ITGA10: variants seen among roughly 807,000 people sequenced by gnomAD.
ITGA10 encodes integrin subunit alpha 10.
Under a neutral mutation model 145.2 loss-of-function variants are expected in ITGA10, and 105 were observed. The ratio of observed to expected loss-of-function variants is 0.72; its 90% CI spans 0.62 to 0.85. The LOEUF (loss-of-function observed/expected upper bound fraction) is 0.85. Ranked by LOEUF, ITGA10 falls within the 40% of genes least tolerant of loss-of-function variation. The probability of loss-of-function intolerance (pLI) is 0.00; values close to 1 mark genes in which losing one functional copy is unlikely to be tolerated. For missense variants in ITGA10, 1,317 were observed against 1,444.5 expected (o/e 0.91, Z 1.43); for synonymous variants, 506 against 557.8 (o/e 0.91, Z 1.31).
Position 145,899,285 on chromosome 1 carries a change from C to T in ITGA10, c.1979G>A (p.Ser660Asn), listed in dbSNP as rs374360693. 4.6e-5 allele frequency: 74 copies of T among 1,614,228 alleles called. No homozygotes were observed. Among genetic ancestry groups the T allele is most frequent in the Non-Finnish European group, 5.7e-5 (67 of 1,180,036 alleles). The stretch of plus-strand genomic sequence containing the variant: ...CCGCCTACAGTCCCTCTGAACCACA[C>T]TGATGGCCTGTGGGGTCACCTCCAG... ...PSLEVTPQAISVVQRDCRRRG... is the reference protein window; with the variant it reads ...PSLEVTPQAINVVQRDCRRRG... Residue 660 changes from serine (S) to asparagine (N), a missense_variant, in exon 16 of 30, where the codon AGT becomes AAT. Transcript: ENST00000369304.
At position 145,896,172 on chromosome 1, in the gene ITGA10, AC is replaced by A. The variant is rs1328993153; in HGVS notation, c.2920-77del. 26 of 1,484,078 alleles carry A rather than the reference AC, an allele frequency of 1.8e-5. No homozygotes were observed. In the East Asian group the frequency reaches 5.2e-4, roughly 30 times the overall value. 91.9% of individuals were successfully genotyped at this position (1,484,078 alleles called of 1,614,324 possible). ...TCATTTGTTCCCCTTCACCCTAGATACCATTAAAATCCAAGAGAGACCCTTC... is the reference window on the plus strand; with the variant it reads ...TCATTTGTTCCCCTTCACCCTAGATACATTAAAATCCAAGAGAGACCCTTC... On this transcript the variant is annotated intron_variant, in intron 24 of 29. Transcript: ENST00000369304.
chr1:145,896,208 TC>T, intron 24 of ITGA10, 59 bp downstream of exon 24: 1 of 1,504,464 alleles, frequency 6.6e-7, no homozygotes, highest in Non-Finnish European at 9.3e-7. Flanking sequence ...CCCATCCTTT[TC>T]CCACAAAGCT....
intron 17 of ITGA10, among the ~76,000 whole-genome samples, 196 bp downstream of exon 17, chr1:145,898,740 T>C (rs930558309): frequency 6.6e-5 from 10 of 152,172 alleles, no homozygotes; most frequent in African/African-American, 2.4e-4. Flanking sequence ...AAACTGAGGG[T>C]TGGACTTGCC....
chr1:145,893,113 C>G, intron 29 of ITGA10, 48 bp downstream of exon 29: 1 of 1,382,118 alleles, frequency 7.2e-7, no homozygotes, highest in East Asian at 2.3e-5. Context: ...AAGGATCCCT[C>G]AACTCATGGG....
At position 145,902,888 on chromosome 1, in the gene ITGA10, C is replaced by G. The variant is rs782484433; in HGVS notation, c.832G>C (p.Glu278Gln). ...GGAAGCTCCTCTCCATCATGGGACTCTCCATCAGTGACAACCACCAGTAGC... is the reference window on the plus strand; with the variant it reads ...GGAAGCTCCTCTCCATCATGGGACTGTCCATCAGTGACAACCACCAGTAGC... The part of the protein sequence containing the change: ...ARLLVVVTDG[E>Q]SHDGEELPAA... Residue 278 changes from glutamate to glutamine, a missense_variant, in exon 8 of 30, where the codon GAG (glutamate) becomes CAG (glutamine). Transcript: ENST00000369304. The G allele has an allele frequency of 1.9e-6, 3 of 1,614,040 alleles. No homozygotes were observed. The highest frequency in any genetic ancestry group is 2.5e-6 in the Non-Finnish European group (3 of 1,179,968).
intron 24 of ITGA10, 67 bp from the exon 25 acceptor site, chr1:145,896,163 A>G: frequency 6.7e-7 from 1 of 1,483,494 alleles, no homozygotes; most frequent in Non-Finnish European, 9.4e-7. Flanking sequence ...GTTCCCCTTC[A>G]CCCTAGATAC....
In ITGA10 at chr1:145,907,114, G is replaced by A. The variant is rs370585555; in HGVS notation, c.201C>T (p.Gly67=). Residue 67 remains glycine, a synonymous_variant, in exon 3 of 30, where the codon GGC becomes GGT. Coordinates refer to ENST00000369304, the MANE Select transcript of ITGA10 (RefSeq NM_003637.5). The part of the protein sequence containing the change: ...LVGAPWDGPS[G]DRRGDVYRCP... ...AGCGATAAACGTCCCCCCTCCGGTC[G>A]CCTGAAGGCCCATCCCAGGGGGCGC... is the stretch of plus-strand genomic sequence containing the variant. 4.2e-5 allele frequency: 66 copies of A among 1,563,114 alleles called. No individual in the cohort carries two copies. In the East Asian group the frequency reaches 4.3e-4, roughly 10 times the overall value.
intron 5 of ITGA10, 187 bp downstream of exon 5, chr1:145,906,207 G>A (rs115041253): frequency 3.7e-6 from 2 of 538,372 alleles, no homozygotes; most frequent in East Asian, 6.5e-5. Flanking sequence ...AGAATTACAG[G>A]TGTGGGCCAC....
At chr1:145,907,947 T>G (rs1164695258) in intron 1 of ITGA10, among the ~76,000 whole-genome samples, 2 of 151,738 alleles carry the variant, frequency 1.3e-5, no homozygotes, top group African/African-American at 4.8e-5. Flanking sequence ...ATTTTTCTTA[T>G]TTTTAGTAGA....
In ITGA10 at chr1:145,904,076, G is replaced by GTC; in HGVS notation, c.732_733dup (p.Thr245ArgfsTer6). ...CCAGGCCACCATTATTGCTTGGGCA[G>GTC]TCTTTGTTTCTCGTCCCTCCCGCCG... On this transcript the variant is annotated frameshift_variant, in exon 7 of 30. Transcript: ENST00000369304. LOFTEE classifies it high-confidence loss of function. The GTC allele has an allele frequency of 1.2e-6, 2 of 1,614,072 alleles. No homozygotes were observed. Among genetic ancestry groups the GTC allele is most frequent in the Non-Finnish European group, 1.7e-6 (2 of 1,180,016 alleles).
chr1:145,896,495 G>T (rs750432120), intron 23 of ITGA10, 143 bp from the exon 24 acceptor site: 9 of 725,974 alleles, frequency 1.2e-5, no homozygotes, highest in Admixed American at 2.0e-5. Flanking sequence ...GAAGACAGAA[G>T]TAGAACATGA....
intron 17 of ITGA10, among the ~76,000 whole-genome samples, 171 bp from the exon 18 acceptor site, chr1:145,898,394 A>G (rs1310584441): frequency 6.6e-6 from 1 of 152,084 alleles, no homozygotes; most frequent in Non-Finnish European, 1.5e-5. Context: ...TTTGAGACAG[A>G]GTCTCGCTCT....
chr1:145,899,080 T>C lies in ITGA10; in HGVS notation c.2090-2A>G, dbSNP rs1655856562. On this transcript the variant is annotated splice_acceptor_variant, in intron 16 of 29. Coordinates refer to ENST00000369304, the MANE Select transcript of ITGA10 (RefSeq NM_003637.5). LOFTEE classifies it high-confidence loss of function. ...CCAGTGATGCGGTGAACCTCATGTCTGAATGAAGGAGGCAAGAGTGAGGGT... is the reference window on the plus strand; with the variant it reads ...CCAGTGATGCGGTGAACCTCATGTCCGAATGAAGGAGGCAAGAGTGAGGGT... The C allele has an allele frequency of 1.2e-6, 2 of 1,614,100 alleles. No homozygotes were observed. Among genetic ancestry groups the C allele is most frequent in the African/African-American group, 1.3e-5 (1 of 74,930 alleles).
In ITGA10 at chr1:145,902,944, T is replaced by A; in HGVS notation, c.776A>T (p.Gln259Leu). ...AGCCTCGGGTCGGCCCCCATGGGAC[T>A]GACTGAACCCTTCTGTGCTGAGAAG... ...IMVACTEGFS[Q>L]SHGGRPEAAR... The change falls in exon 8 of 30, where the codon CAG (glutamine) becomes CTG (leucine). Residue 259 changes from glutamine (Q) to leucine (L), a missense_variant. Gln to Leu is a moderately radical substitution (Grantham distance 113). Transcript: ENST00000369304. The A allele has an allele frequency of 1.2e-6, 2 of 1,606,576 alleles. No homozygotes were observed. Among genetic ancestry groups the A allele is most frequent in the Non-Finnish European group, 1.7e-6 (2 of 1,176,920 alleles).
intron 1 of ITGA10, chr1:145,907,720 G>T: frequency 4.3e-6 from 1 of 230,808 alleles, no homozygotes; most frequent in Non-Finnish European, 6.6e-6. Flanking sequence ...TCCCACCCCT[G>T]AAATTTCATT....
intron 14 of ITGA10, 74 bp downstream of exon 14, chr1:145,900,716 T>A (rs1450935598): frequency 4.7e-6 from 7 of 1,485,004 alleles, no homozygotes; most frequent in Non-Finnish European, 6.6e-6. Flanking sequence ...CCAAGGAGAC[T>A]ATTGACAAGC....
chr1:145,908,343 C>T (rs1657435972), intron 1 of ITGA10, among the ~76,000 whole-genome samples: 1 of 152,134 alleles, frequency 6.6e-6, no homozygotes, highest in Non-Finnish European at 1.5e-5. Context: ...TGGTAATTAA[C>T]TGGGTGGGGC....
Position 145,907,476 on chromosome 1 carries a change from A to T in ITGA10, c.53-11T>A, listed in dbSNP as rs1025803767. ...AGGGGGAGCAGAGACCTGTGGGGTC[A>T]GGATCATAATGTTAGTATGAGGTAG... On this transcript the variant is annotated splice_polypyrimidine_tract_variant and intron_variant, in intron 1 of 29. Coordinates refer to ENST00000369304, the MANE Select transcript of ITGA10 (RefSeq NM_003637.5). 23 of 1,613,992 alleles carry T rather than the reference A, an allele frequency of 1.4e-5. No individual in the cohort carries two copies. Among genetic ancestry groups the T allele is most frequent in the Non-Finnish European group, 1.9e-5 (22 of 1,180,012 alleles).
rs1657675859 is a variant in ITGA10 at position 145,910,043 on chromosome 1, A to G, written c.-29T>C. The G allele has an allele frequency of 1.3e-6, 2 of 1,593,916 alleles. No homozygotes were observed. Among genetic ancestry groups the G allele is most frequent in the Non-Finnish European group, 1.7e-6 (2 of 1,162,390 alleles). ...TGATCGGTTTCTGTCCAGTATGAGA[A>G]GTCCTCTGGCCTCTGTCCCTCTCCT... On this transcript the variant is annotated 5_prime_UTR_variant, in exon 1 of 30. Coordinates refer to ENST00000369304, the MANE Select transcript of ITGA10 (RefSeq NM_003637.5).
Sources: gnomAD v4.1 joint callset for allele counts (sites outside exome capture counted in the v4.1 genomes callset) on GRCh38, gnomAD v4.1.1 for gene constraint, MANE v1.5 for transcripts, NCBI Gene and HGNC (gene_info 2026-07-23, HGNC 2026-07-21) for gene names.